The following ATP2C2 variants were observed in gnomAD, a reference collection of about 807,000 sequenced individuals.
ATP2C2 encodes ATPase secretory pathway Ca2+ transporting 2, also known as calcium-transporting ATPase type 2C member 2.
Under a neutral mutation model 110.8 loss-of-function variants are expected in ATP2C2, and 171 were observed. The ratio of observed to expected loss-of-function variants is 1.54; its 90% CI spans 1.36 to 1.75. The LOEUF (loss-of-function observed/expected upper bound fraction) is 1.75, where lower values mean the gene tolerates loss of function less well. ATP2C2 is among the 40% of genes most tolerant of loss of function. The pLI is 0.00. For missense variants in ATP2C2, 1,963 were observed against 1,235.0 expected, an observed-to-expected ratio of 1.59 and a Z score of -8.84; for synonymous variants, 804 against 508.4, an observed-to-expected ratio of 1.58 and a Z score of -7.82.
chr16:84,401,073 T>C (rs914229349), intron 2 of ATP2C2, among the ~76,000 whole-genome samples: 10 of 152,216 alleles, frequency 6.6e-5, no homozygotes, highest in African/African-American at 2.4e-4. Context: ...TTTAACTTGA[T>C]GTGATTCCAT....
At chr16:84,426,180 A>G (rs565384964) in intron 11 of ATP2C2, 2 of 202,314 alleles carry the variant, frequency 9.9e-6, no homozygotes, top group South Asian at 8.8e-5. Context: ...GAAGTTTCCA[A>G]TCAAGGCGGA....
chr16:84,413,399 G>A (rs1597791870), intron 6 of ATP2C2, among the ~76,000 whole-genome samples: 1 of 152,184 alleles, frequency 6.6e-6, no homozygotes, highest in Non-Finnish European at 1.5e-5. Context: ...ATAGGGACAA[G>A]AAGAGGATGA....
chr16:84,458,908 C>T (rs1044661500), intron 21 of ATP2C2, among the ~76,000 whole-genome samples: 1 of 152,154 alleles, frequency 6.6e-6, no homozygotes. Flanking sequence ...GAACATGGCT[C>T]AAGGATCAGT....
chr16:84,381,461 C>T (rs935570101), intron 1 of ATP2C2, among the ~76,000 whole-genome samples: 1 of 152,032 alleles, frequency 6.6e-6, no homozygotes, highest in Non-Finnish European at 1.5e-5. Context: ...CCTGTAATCC[C>T]AGCTACTCAG....
chr16:84,421,040 A>T (rs571022684), intron 7 of ATP2C2, among the ~76,000 whole-genome samples: 1 of 152,250 alleles, frequency 6.6e-6, no homozygotes, highest in South Asian at 2.1e-4. Context: ...TCCTGACTTC[A>T]AGTGATCTGC....
At chr16:84,440,740 C>T (rs1330925137) in intron 13 of ATP2C2, 117 bp from the exon 14 acceptor site, 8 of 735,104 alleles carry the variant, frequency 1.1e-5, no homozygotes, top group Non-Finnish European at 1.7e-5. Flanking sequence ...ACTGAAAGCC[C>T]TGTCCACGTT....
intron 6 of ATP2C2, among the ~76,000 whole-genome samples, chr16:84,414,780 A>G (rs1182419965): frequency 6.6e-6 from 1 of 152,076 alleles, no homozygotes; most frequent in African/African-American, 2.4e-5. Context: ...ATGAGATGGG[A>G]GCTGCAGGAG....
At position 84,410,763 on chromosome 16, in the gene ATP2C2, C is replaced by T; in HGVS notation, c.513C>T (p.Asn171=). Residue 171 remains asparagine, a splice_region_variant and synonymous_variant, in exon 6 of 27, where the codon AAC becomes AAT. Transcript: ENST00000262429. The stretch of plus-strand genomic sequence containing the variant: ...CCAAGCTGGTTCCTCCAGAATGTAA[C>T]TGGTAAGTCAGAGCCTCCCTGGGAC... The part of the protein sequence containing the change: ...ELTKLVPPEC[N]CLREGKLQHL... 5 of 1,613,946 alleles carry T rather than the reference C, an allele frequency of 3.1e-6. No individual in the cohort carries two copies. The highest frequency in any genetic ancestry group is 3.4e-6 in the Non-Finnish European group (4 of 1,179,870).
At chr16:84,416,388 A>T (rs945781929) in intron 7 of ATP2C2, among the ~76,000 whole-genome samples, 6 of 152,232 alleles carry the variant, frequency 3.9e-5, no homozygotes, top group Admixed American at 1.3e-4. Flanking sequence ...GCTTTGCATG[A>T]TGAAGAATTA....
At chr16:84,391,700 C>CA (rs1904673443) in intron 1 of ATP2C2, among the ~76,000 whole-genome samples, 2 of 152,180 alleles carry the variant, frequency 1.3e-5, no homozygotes, top group African/African-American at 4.8e-5. Flanking sequence ...GGGAACGTGG[C>CA]CCTGCCAGCA....
chr16:84,415,127 C>T (rs1434577955), intron 6 of ATP2C2, among the ~76,000 whole-genome samples: 2 of 152,212 alleles, frequency 1.3e-5, no homozygotes, highest in Non-Finnish European at 1.5e-5. Context: ...AGACCCTGCA[C>T]CCTGAGTGCT....
chr16:84,392,838 A>G (rs1470388090), intron 1 of ATP2C2, among the ~76,000 whole-genome samples: 1 of 152,044 alleles, frequency 6.6e-6, no homozygotes, highest in East Asian at 1.9e-4. Context: ...CAGTCTAGTG[A>G]TCATGTCCCC....
intron 23 of ATP2C2, chr16:84,459,793 T>C (rs1911092641): frequency 1.9e-6 from 1 of 540,126 alleles, no homozygotes; most frequent in Admixed American, 3.1e-5. Context: ...CTTATGGATC[T>C]GATTGTGATC....
intron 16 of ATP2C2, 103 bp downstream of exon 16, chr16:84,446,533 T>A: frequency 1.3e-6 from 1 of 760,658 alleles, no homozygotes; most frequent in Non-Finnish European, 2.1e-6. Flanking sequence ...AGTTCCTGGC[T>A]GCTTCTGTGA....
chr16:84,433,265 C>G (rs996620042), intron 11 of ATP2C2, among the ~76,000 whole-genome samples: 75 of 152,078 alleles, frequency 4.9e-4, no homozygotes, highest in African/African-American at 1.8e-3. Context: ...CGCTTGTAGC[C>G]CCAGCTACTT....
Position 84,425,778 on chromosome 16 carries a change from G to C in ATP2C2, c.963G>C (p.Leu321=), listed in dbSNP as rs754528759. The C allele has an allele frequency of 1.2e-5, 19 of 1,614,006 alleles. No homozygotes were observed. The highest frequency in any genetic ancestry group is 3.3e-5 in the Admixed American group (2 of 59,990). ...GCTGGTCGCAAGGGAAACAACTCCT[G>C]AGTATGTTCACGATCGGGGTCAGGT... is the stretch of plus-strand genomic sequence containing the variant. The part of the protein sequence containing the change: ...LIGWSQGKQL[L]SMFTIGVSLA... Residue 321 remains leucine, a synonymous_variant, in exon 11 of 27, where the codon CTG becomes CTC. Transcript: ENST00000262429.
intron 11 of ATP2C2, among the ~76,000 whole-genome samples, chr16:84,437,354 C>T (rs1440288973): frequency 6.6e-6 from 1 of 151,758 alleles, no homozygotes. Flanking sequence ...CTGCCACACC[C>T]AGCTAATTTA....
chr16:84,442,172 C>CA (rs1248808856), intron 14 of ATP2C2, among the ~76,000 whole-genome samples: 8 of 152,236 alleles, frequency 5.3e-5, no homozygotes, highest in African/African-American at 1.4e-4. Context: ...AATTTGTTCA[C>CA]AAGTTGTGCA....
In ATP2C2 at chr16:84,430,296, G is replaced by A. The variant is rs144137509; in HGVS notation, c.986+4495G>A. Among the ~76,000 whole-genome samples, 971 of 152,278 alleles carry A rather than the reference G, an allele frequency of 6.4e-3. 15 individuals are homozygous for A. Among genetic ancestry groups the A allele is most frequent in the African/African-American group, 0.022 (909 of 41,546 alleles). Reference sequence around the variant, plus strand: ...GCCTGAGCCAGGGCTGGGAAGACCCGTCTACGCGAACGGCAAAGTTGCCAA... The same window carrying A: ...GCCTGAGCCAGGGCTGGGAAGACCCATCTACGCGAACGGCAAAGTTGCCAA... On this transcript the variant is annotated intron_variant, in intron 11 of 26. Transcript: ENST00000262429.
Sources: allele counts gnomAD v4.1 joint callset (sites outside exome capture counted in the v4.1 genomes callset), GRCh38; gene constraint gnomAD v4.1.1; transcripts MANE v1.5; gene names NCBI Gene and HGNC (gene_info 2026-07-23, HGNC 2026-07-21).